TMPRSS11D: variants seen among roughly 807,000 people sequenced by gnomAD.
TMPRSS11D encodes the protein transmembrane serine protease 11D.
TMPRSS11D carries 32 observed loss-of-function variants against 44.4 expected under a neutral mutation model. That is an observed-to-expected ratio of 0.72 (90% CI 0.54 to 0.97). The LOEUF (loss-of-function observed/expected upper bound fraction) is 0.97. Ranked by LOEUF, TMPRSS11D falls within the 50% of genes least tolerant of loss-of-function variation. The pLI is 0.00. For synonymous variants in TMPRSS11D, 179 were observed against 177.9 expected, an observed-to-expected ratio of 1.01 and a Z score of -0.05; for missense variants, 446 against 502.6, an observed-to-expected ratio of 0.89 and a Z score of 1.08.
At position 67,822,493 on chromosome 4, in the gene TMPRSS11D, G is replaced by A. The variant is rs139627830; in HGVS notation, c.1101C>T (p.Asp367=). The change falls in exon 10 of 10, where the codon GAC becomes GAT. Residue 367 remains aspartate, a synonymous_variant. Coordinates refer to ENST00000283916, the MANE Select transcript of TMPRSS11D (RefSeq NM_004262.3). ...PQGGVDACQG[D]SGGPLVQEDS... ...CTTCTTGTACTAGTGGGCCACCAGA[G>A]TCACCCTGTAAAAAAACAGAATGAC... 38 of 1,613,732 alleles carry A rather than the reference G, an allele frequency of 2.4e-5. No homozygotes were observed. The African/African-American group carries it at 4.4e-4, about 19-fold the overall frequency.
intron 4 of TMPRSS11D, among the ~76,000 whole-genome samples, chr4:67,841,721 G>A (rs548508729): frequency 2.6e-5 from 4 of 152,162 alleles, no homozygotes; most frequent in African/African-American, 4.8e-5. Flanking sequence ...TGAATTGACC[G>A]AAAGGTGTTT....
chr4:67,878,570 A>T (rs1040902250), intron 1 of TMPRSS11D, among the ~76,000 whole-genome samples: 20 of 152,150 alleles, frequency 1.3e-4, no homozygotes, highest in Admixed American at 4.6e-4. Flanking sequence ...TATATCTAGC[A>T]CCTAACAGCT....
chr4:67,821,369 A>T lies in TMPRSS11D; in HGVS notation c.*968T>A, dbSNP rs562765686. The T allele has an allele frequency of 4.0e-5, 6 of 151,848 alleles. No individual in the cohort carries two copies. The South Asian group carries it at 1.3e-3, about 32-fold the overall frequency. The allele number at this position is 151,848 out of a possible 1,614,324, so 9.4% of individuals were successfully genotyped here. A position where few individuals can be genotyped will look rare whatever the true frequency, so the allele number is the denominator to read the frequency against. ...ATTTAAACTTTTCCTTTGCAAACCA[A>T]CTCTTCCCCCTCTTTAAACTTTCAA... On this transcript the variant is annotated 3_prime_UTR_variant, in exon 10 of 10. Transcript: ENST00000283916.
chr4:67,840,325 G>C (rs1718203351), intron 4 of TMPRSS11D, among the ~76,000 whole-genome samples: 1 of 152,018 alleles, frequency 6.6e-6, no homozygotes, highest in Admixed American at 6.6e-5. Context: ...AGAGCAAAGG[G>C]GGGAAACGTC....
intron 3 of TMPRSS11D, among the ~76,000 whole-genome samples, chr4:67,846,244 G>A (rs1718354335): frequency 6.6e-6 from 1 of 151,832 alleles, no homozygotes; most frequent in African/African-American, 2.4e-5. Flanking sequence ...TGCATGAGTA[G>A]CCAAAACATG....
chr4:67,833,263 G>T lies in TMPRSS11D; in HGVS notation c.633C>A (p.His211Gln). The change falls in exon 7 of 10, where the codon CAC becomes CAA. Residue 211 changes from histidine (H) to glutamine (Q), a missense_variant. Physicochemically the swap from His to Gln is conservative, Grantham distance 24. Coordinates refer to ENST00000283916, the MANE Select transcript of TMPRSS11D (RefSeq NM_004262.3). The stretch of plus-strand genomic sequence containing the variant: ...TGTTATTGATCAGGCTGCCTCCACA[G>T]TGGTGGGCATTATTGAGCCGCAGAC... ...QVSLRLNNAH[H>Q]CGGSLINNMW... is the part of the protein sequence containing the mutation. 1 of 1,596,120 alleles carries T rather than the reference G, an allele frequency of 6.3e-7. No individual in the cohort carries two copies. The highest frequency in any genetic ancestry group is 1.1e-5 in the South Asian group (1 of 87,992).
chr4:67,823,257 A>G (rs994793093), intron 9 of TMPRSS11D, among the ~76,000 whole-genome samples: 12 of 152,170 alleles, frequency 7.9e-5, no homozygotes. Flanking sequence ...GAAGAAATTT[A>G]TATAGTCATA....
At chr4:67,860,099 G>A (rs933625076) in intron 1 of TMPRSS11D, among the ~76,000 whole-genome samples, 2 of 152,088 alleles carry the variant, frequency 1.3e-5, no homozygotes, top group African/African-American at 4.8e-5. Flanking sequence ...GAGATCATTT[G>A]GGTGGGAAGA....
In TMPRSS11D at chr4:67,833,378, C is replaced by G. The variant is rs1717996149; in HGVS notation, c.518G>C (p.Cys173Ser). 6.7e-7 allele frequency: 1 copy of G among 1,493,222 alleles called. No homozygotes were observed. The highest frequency in any genetic ancestry group is 2.3e-5 in the Admixed American group (1 of 42,738). The allele number at this position is 1,493,222 out of a possible 1,614,324, so 92.5% of individuals were successfully genotyped here. A position where few individuals can be genotyped will look rare whatever the true frequency, so the allele number is the denominator to read the frequency against. Residue 173 changes from cysteine to serine, a missense_variant, in exon 7 of 10, where the codon TGT becomes TCT. Cys to Ser is a moderately radical substitution (Grantham distance 112). Coordinates refer to ENST00000283916, the MANE Select transcript of TMPRSS11D (RefSeq NM_004262.3). ...QAAANWLINE[C>S]GAGPDLITLS... ...TGTTATTAGGTCTGGACCGGCCCCA[C>G]ATTCTAATGAGAAAGGGCATTAATG... is the stretch of plus-strand genomic sequence containing the variant.
intron 2 of TMPRSS11D, among the ~76,000 whole-genome samples, chr4:67,856,594 C>G (rs773129885): frequency 3.3e-5 from 5 of 151,836 alleles, no homozygotes; most frequent in Non-Finnish European, 7.4e-5. Context: ...TCACTATGAC[C>G]TGAAAAGTAC....
At chr4:67,875,551 T>A (rs1242113870) in intron 1 of TMPRSS11D, among the ~76,000 whole-genome samples, 1 of 152,176 alleles carries the variant, frequency 6.6e-6, no homozygotes, top group East Asian at 1.9e-4. Flanking sequence ...ATTACCTGTC[T>A]CCCCATCCGC....
At chr4:67,860,347 G>A (rs1226789309) in intron 1 of TMPRSS11D, 3 of 152,062 alleles carry the variant, frequency 2.0e-5, no homozygotes, top group Non-Finnish European at 4.4e-5. Flanking sequence ...CTGACACTGG[G>A]GAAGTCACCA....
At chr4:67,845,355 A>T (rs1331524175) in intron 3 of TMPRSS11D, among the ~76,000 whole-genome samples, 2 of 152,180 alleles carry the variant, frequency 1.3e-5, no homozygotes, top group East Asian at 3.8e-4. Flanking sequence ...TTCTAATGAG[A>T]TAGTGATAAG....
intron 1 of TMPRSS11D, among the ~76,000 whole-genome samples, chr4:67,877,958 T>G (rs1719232617): frequency 6.6e-6 from 1 of 152,198 alleles, no homozygotes; most frequent in Admixed American, 6.5e-5. Context: ...TGTATACCTA[T>G]GTAACAAACC....
intron 3 of TMPRSS11D, among the ~76,000 whole-genome samples, chr4:67,847,821 C>G (rs1718392496): frequency 6.6e-6 from 1 of 152,226 alleles, no homozygotes; most frequent in East Asian, 1.9e-4. Flanking sequence ...TTTCAGCACT[C>G]CAATGAATTG....
intron 1 of TMPRSS11D, among the ~76,000 whole-genome samples, chr4:67,861,783 C>G (rs1417228458): frequency 6.6e-6 from 1 of 152,052 alleles, no homozygotes; most frequent in Non-Finnish European, 1.5e-5. Flanking sequence ...GCCCAAATTA[C>G]CTTACGCTCA....
intron 1 of TMPRSS11D, among the ~76,000 whole-genome samples, chr4:67,883,041 A>G (rs987433671): frequency 5.3e-5 from 8 of 152,030 alleles, no homozygotes; most frequent in African/African-American, 1.9e-4. Context: ...TCAAGTGCAT[A>G]TAACTGTATA....
rs1717763378 is a variant in TMPRSS11D at position 67,825,245 on chromosome 4, TTAATTTTTTATTTA to T, written c.1095+473_1095+486del. ...TCAATTAATTTTTATAATATAGTGA[TTAATTTTTTATTTA>T]ATCCTTCACAGCAGTTAAAAGGTTG... is the stretch of plus-strand genomic sequence containing the variant. On this transcript the variant is annotated intron_variant, in intron 9 of 9. Transcript: ENST00000283916. Among the ~76,000 whole-genome samples the T allele has an allele frequency of 2.0e-5, 3 of 152,040 alleles. No individual in the cohort carries two copies. The South Asian group carries it at 6.2e-4, about 32-fold the overall frequency.
intron 5 of TMPRSS11D, among the ~76,000 whole-genome samples, chr4:67,837,223 A>C (rs1399835254): frequency 1.3e-5 from 2 of 152,168 alleles, no homozygotes; most frequent in Non-Finnish European, 2.9e-5. Flanking sequence ...TAATGTGTGG[A>C]AGCAGAGGTA....
Sources: gnomAD v4.1 joint callset for allele counts (sites outside exome capture counted in the v4.1 genomes callset) on GRCh38, gnomAD v4.1.1 for gene constraint, MANE v1.5 for transcripts, NCBI Gene and HGNC (gene_info 2026-07-23, HGNC 2026-07-21) for gene names.